The following SLC26A11 variants were observed in gnomAD, a reference collection of about 807,000 sequenced individuals.
SLC26A11 encodes the protein sodium-independent sulfate anion transporter.
A neutral mutation model predicts 62.2 loss-of-function variants in SLC26A11; 58 were observed. The ratio of observed to expected loss-of-function variants is 0.93; its 90% CI spans 0.76 to 1.16. The LOEUF is 1.16. Ranked by LOEUF, SLC26A11 falls within the 50% of genes most tolerant of loss-of-function variation. The pLI is 0.00. For synonymous variants in SLC26A11, 411 were observed against 368.9 expected, an observed-to-expected ratio of 1.11 and a Z score of -1.31; for missense variants, 790 against 794.3, an observed-to-expected ratio of 0.99 and a Z score of 0.06.
At chr17:80,224,655 T>G (rs1158447177) in intron 5 of SLC26A11, among the ~76,000 whole-genome samples, 1 of 152,174 alleles carries the variant, frequency 6.6e-6, no homozygotes, top group Admixed American at 6.5e-5. Flanking sequence ...CACGCATCTC[T>G]CAGGGTTAGC....
chr17:80,238,821 T>TTTTTTTG (rs2042774613), intron 9 of SLC26A11, among the ~76,000 whole-genome samples: 1 of 114,188 alleles, frequency 8.8e-6, no homozygotes, highest in African/African-American at 3.5e-5. Context: ...GTTTTTTTTG[T>TTTTTTTG]TTTTTGTTTT....
intron 16 of SLC26A11, among the ~76,000 whole-genome samples, chr17:80,249,933 G>T (rs1234902921): frequency 6.6e-6 from 1 of 152,106 alleles, no homozygotes; most frequent in Non-Finnish European, 1.5e-5. Flanking sequence ...AAAAACAGGT[G>T]CTCATAGAAT....
chr17:80,227,721 T>A, intron 6 of SLC26A11, 97 bp from the exon 7 acceptor site: 1 of 1,509,782 alleles, frequency 6.6e-7, no homozygotes, highest in Non-Finnish European at 8.9e-7. Context: ...CCCTGGGAGC[T>A]TCTTAGTGCC....
chr17:80,221,178 A>C, intron 2 of SLC26A11, 63 bp downstream of exon 2: 4 of 181,636 alleles, frequency 2.2e-5, no homozygotes, highest in Non-Finnish European at 3.4e-5. Context: ...GGGAGACGGA[A>C]AAAAAGGCAA....
intron 7 of SLC26A11, among the ~76,000 whole-genome samples, chr17:80,235,337 C>T (rs999281516): frequency 6.6e-6 from 1 of 151,602 alleles, no homozygotes; most frequent in African/African-American, 2.4e-5. Context: ...AACTATGTTA[C>T]TTTTGGGTCT....
At chr17:80,237,436 C>T (rs776140004) in intron 8 of SLC26A11, 86 bp from the exon 9 acceptor site, 214 of 1,249,656 alleles carry the variant, frequency 1.7e-4, no homozygotes, top group Non-Finnish European at 2.2e-4. Context: ...ACCTGTGGGG[C>T]GGGGTGGGTC....
At position 80,222,853 on chromosome 17, in the gene SLC26A11, G is replaced by A. The variant is rs774698044; in HGVS notation, c.427+6G>A. On this transcript the variant is annotated splice_donor_region_variant and intron_variant, in intron 4 of 17. Transcript: ENST00000361193. The surrounding 1 kb of genome is among the most constrained non-coding windows in gnomAD (Gnocchi z 4.7). Reference sequence around the variant, plus strand: ...CATGGGGGTCCTGCGTTTGGGTGAGGCTCTACCTTCTTGCCAAGGGGATGC... The same window carrying A: ...CATGGGGGTCCTGCGTTTGGGTGAGACTCTACCTTCTTGCCAAGGGGATGC... 6.2e-7 allele frequency: 1 copy of A among 1,612,788 alleles called. No individual in the cohort carries two copies. Among genetic ancestry groups the A allele is most frequent in the Non-Finnish European group, 8.5e-7 (1 of 1,179,264 alleles).
chr17:80,236,514 C>T (rs775553762), intron 7 of SLC26A11, among the ~76,000 whole-genome samples: 10 of 152,226 alleles, frequency 6.6e-5, no homozygotes, highest in African/African-American at 1.2e-4. Flanking sequence ...GCTGCTGTCC[C>T]GCGTCTTAGT....
At chr17:80,243,421 G>A (rs544437114) in intron 10 of SLC26A11, among the ~76,000 whole-genome samples, 50 of 149,238 alleles carry the variant, frequency 3.4e-4, no homozygotes, top group Admixed American at 1.3e-3. Context: ...TATTTGAGAC[G>A]GAATCTTCCT....
At chr17:80,251,655 C>T (rs1339235734) in intron 17 of SLC26A11, among the ~76,000 whole-genome samples, 15 of 151,466 alleles carry the variant, frequency 9.9e-5, no homozygotes, top group Non-Finnish European at 1.9e-4. Flanking sequence ...CCCAGCTATT[C>T]GGGAGGCTGA....
Position 80,222,640 on chromosome 17 carries a change from CCT to C in SLC26A11, c.235-9_235-8del. On this transcript the variant is annotated splice_polypyrimidine_tract_variant and intron_variant, in intron 3 of 17. Transcript: ENST00000361193. This position sits in a 1 kb window ranked among gnomAD's most constrained non-coding sequence, Gnocchi z 4.7. ...CCTCGGCCTCCTGAGTGCTCACCAC[CCT>C]CTCTCCCCACAGTATGGCCTCTACT... 6.2e-7 allele frequency: 1 copy of C among 1,610,722 alleles called. No homozygotes were observed. The highest frequency in any genetic ancestry group is 8.5e-7 in the Non-Finnish European group (1 of 1,177,788).
intron 7 of SLC26A11, among the ~76,000 whole-genome samples, chr17:80,229,432 GT>G (rs2042500266): frequency 1.4e-5 from 2 of 143,788 alleles, no homozygotes; most frequent in South Asian, 2.3e-4. Context: ...GTTATCTTTT[GT>G]TTTTTGGTTT....
chr17:80,244,143 A>G (rs2042935164), intron 10 of SLC26A11, among the ~76,000 whole-genome samples: 1 of 152,098 alleles, frequency 6.6e-6, no homozygotes, highest in Non-Finnish European at 1.5e-5. Context: ...GAGACCTGAG[A>G]CCCCACTGTG....
chr17:80,231,507 G>C (rs2042567505), intron 7 of SLC26A11, among the ~76,000 whole-genome samples: 1 of 152,072 alleles, frequency 6.6e-6, no homozygotes, highest in Admixed American at 6.6e-5. Context: ...TCTTTGATTT[G>C]AGACCTTTCT....
At chr17:80,238,808 G>A (rs2144936401) in intron 9 of SLC26A11, among the ~76,000 whole-genome samples, 1 of 145,468 alleles carries the variant, frequency 6.9e-6, no homozygotes, top group Non-Finnish European at 1.5e-5. Flanking sequence ...CCCCTTCAAA[G>A]GAGTTTTTTT....
rs138520983 is a variant in SLC26A11, at chr17:80,223,319, C to T, written c.495C>T (p.Ile165=). ...TCACCTCTGCTGCTGCCGTCACCATCGGCTTTGGACAGATCAAGGTAGGCA... is the reference window on the plus strand; with the variant it reads ...TCACCTCTGCTGCTGCCGTCACCATTGGCTTTGGACAGATCAAGGTAGGCA... ...KGFTSAAAVT[I]GFGQIKNLLG... The change falls in exon 5 of 18, where the codon ATC becomes ATT. Residue 165 remains isoleucine, a synonymous_variant. Coordinates refer to ENST00000361193, the MANE Select transcript of SLC26A11 (RefSeq NM_001166347.2). This position sits in a 1 kb window ranked among gnomAD's most constrained non-coding sequence, Gnocchi z 4.6. The T allele has an allele frequency of 8.3e-5, 134 of 1,614,028 alleles. No homozygotes were observed. The highest frequency in any genetic ancestry group is 1.1e-4 in the Non-Finnish European group (129 of 1,180,032).
chr17:80,229,878 C>G (rs570628613), intron 7 of SLC26A11, among the ~76,000 whole-genome samples: 2 of 152,106 alleles, frequency 1.3e-5, no homozygotes, highest in African/African-American at 4.8e-5. Flanking sequence ...CTTCAGGGCA[C>G]GCCCAGGGGA....
chr17:80,238,811 G>GGTTTTTTTTTTTTTTTTTTTTTC (rs1555629117), intron 9 of SLC26A11, among the ~76,000 whole-genome samples: 1 of 123,226 alleles, frequency 8.1e-6, no homozygotes, highest in African/African-American at 3.4e-5. Flanking sequence ...CTTCAAAGGA[G>GGTTTTTTTTTTTTTTTTTTTTTC]TTTTTTTTGT....
At position 80,245,215 on chromosome 17, in the gene SLC26A11, C is replaced by T; in HGVS notation, c.1056C>T (p.Gly352=). 6.2e-7 allele frequency: 1 copy of T among 1,613,956 alleles called. No individual in the cohort carries two copies. Among genetic ancestry groups the T allele is most frequent in the East Asian group, 2.2e-5 (1 of 44,842 alleles). ...CCCCAGGTCTCACCAACATGTTGGG[C>T]TCCCTCGTCTCCTCCTACCCGGTCA... The part of the protein sequence containing the change: ...LLAIGLTNML[G]SLVSSYPVTG... The change falls in exon 11 of 18, where the codon GGC becomes GGT. Residue 352 remains glycine, a synonymous_variant. Coordinates refer to ENST00000361193, the MANE Select transcript of SLC26A11 (RefSeq NM_001166347.2).
Sources: gnomAD v4.1 joint callset for allele counts (sites outside exome capture counted in the v4.1 genomes callset) on GRCh38, gnomAD v4.1.1 for gene constraint, Gnocchi (gnomAD v3.1) non-coding constraint, MANE v1.5 for transcripts, NCBI Gene and HGNC (gene_info 2026-07-23, HGNC 2026-07-21) for gene names.